Variants in HS6ST3 observed in about 807,000 individuals in gnomAD.
HS6ST3 encodes the protein heparan sulfate 6-O-sulfotransferase 3.
In HS6ST3, 12 loss-of-function variants were observed where a neutral mutation model predicts 36.7. The observed-to-expected ratio is 0.33, with a 90% CI of 0.21 to 0.53. The LOEUF (loss-of-function observed/expected upper bound fraction) is 0.53, where lower values mean the gene tolerates loss of function less well. HS6ST3 is among the 20% of genes least tolerant of loss of function. The pLI, the probability that HS6ST3 is intolerant of heterozygous loss-of-function variation, is 0.95. For synonymous variants in HS6ST3, 240 were observed against 257.5 expected, an observed-to-expected ratio of 0.93 and a Z score of 0.65; for missense variants, 584 against 640.9, an observed-to-expected ratio of 0.91 and a Z score of 0.96.
At chr13:96,521,722 T>A (rs2138927652) in intron 1 of HS6ST3, among the ~76,000 whole-genome samples, 1 of 152,290 alleles carries the variant, frequency 6.6e-6, no homozygotes, top group South Asian at 2.1e-4. Flanking sequence ...TTTTATTGCA[T>A]CTATTTGATT....
At chr13:96,564,638 A>G (rs1410979245) in intron 1 of HS6ST3, among the ~76,000 whole-genome samples, 1 of 152,210 alleles carries the variant, frequency 6.6e-6, no homozygotes, top group Admixed American at 6.5e-5. Context: ...ACCTGGGCAA[A>G]TCTAAACAAA....
intron 1 of HS6ST3, among the ~76,000 whole-genome samples, chr13:96,598,096 T>G (rs998773092): frequency 6.6e-6 from 1 of 152,124 alleles, no homozygotes; most frequent in Non-Finnish European, 1.5e-5. Context: ...AATTTGGAGT[T>G]AGATAATGTG....
chr13:96,450,885 C>T (rs1272320309), intron 1 of HS6ST3, among the ~76,000 whole-genome samples: 1 of 152,104 alleles, frequency 6.6e-6, no homozygotes, highest in East Asian at 1.9e-4. Context: ...TGGTGTTAGA[C>T]AAACACTTGG....
At chr13:96,738,123 C>T (rs1020800075) in intron 1 of HS6ST3, among the ~76,000 whole-genome samples, 133 of 152,278 alleles carry the variant, frequency 8.7e-4, no homozygotes, top group African/African-American at 3.0e-3. Flanking sequence ...GCCTCCTACA[C>T]TATATTACCA....
intron 1 of HS6ST3, among the ~76,000 whole-genome samples, chr13:96,147,707 A>G (rs2139321229): frequency 6.6e-6 from 1 of 152,276 alleles, no homozygotes; most frequent in South Asian, 2.1e-4. Context: ...GCTGGTTCCC[A>G]CCTTGCACCC....
At chr13:96,649,912 C>T (rs78038980) in intron 1 of HS6ST3, among the ~76,000 whole-genome samples, 1 of 152,086 alleles carries the variant, frequency 6.6e-6, no homozygotes, top group African/African-American at 2.4e-5. Flanking sequence ...GTCATACTCC[C>T]TCTTACTTAC....
chr13:96,515,628 G>A (rs892132824), intron 1 of HS6ST3, among the ~76,000 whole-genome samples: 3 of 152,062 alleles, frequency 2.0e-5, no homozygotes, highest in East Asian at 3.9e-4. Flanking sequence ...TAATCCCCAC[G>A]TGTCGAGAGA....
chr13:96,613,062 C>T (rs1211638190), intron 1 of HS6ST3, among the ~76,000 whole-genome samples: 1 of 152,130 alleles, frequency 6.6e-6, no homozygotes, highest in Non-Finnish European at 1.5e-5. Flanking sequence ...TCAGAGAGAC[C>T]ACCTTAAGTA....
chr13:96,608,016 A>G (rs1203885205), intron 1 of HS6ST3, among the ~76,000 whole-genome samples: 1 of 152,216 alleles, frequency 6.6e-6, no homozygotes, highest in Non-Finnish European at 1.5e-5. Context: ...TGTTAGATCC[A>G]TGTTAAAAGT....
chr13:96,174,216 G>C (rs2139336157), intron 1 of HS6ST3, among the ~76,000 whole-genome samples: 1 of 152,136 alleles, frequency 6.6e-6, no homozygotes, highest in South Asian at 2.1e-4. Context: ...CCCGATGCCA[G>C]CTCCACTCCT....
At chr13:96,801,735 A>G (rs1050422767) in intron 1 of HS6ST3, among the ~76,000 whole-genome samples, 3 of 152,090 alleles carry the variant, frequency 2.0e-5, no homozygotes, top group African/African-American at 7.2e-5. Context: ...GGTGCTCTAC[A>G]TAAACGTGCA....
chr13:96,091,199 G>C lies in HS6ST3; in HGVS notation c.337G>C (p.Glu113Gln). Reference protein sequence around the residue: ...EEEEEDEPDPEAPENGSLPRF... With the variant: ...EEEEEDEPDPQAPENGSLPRF... ...GGAGGAGGAAGACGAGCCGGACCCC[G>C]AGGCCCCGGAAAACGGCTCCCTGCC... Residue 113 changes from glutamate to glutamine, a missense_variant, in exon 1 of 2, where the codon GAG (glutamate) becomes CAG (glutamine). Physicochemically the swap from Glu to Gln is conservative, Grantham distance 29. This residue lies in a region of HS6ST3 where 217 missense variants were observed against 205.4 expected (regional missense o/e 1.06). Coordinates refer to ENST00000376705, the MANE Select transcript of HS6ST3 (RefSeq NM_153456.4). 1.3e-6 allele frequency: 2 copies of C among 1,558,638 alleles called. No individual in the cohort carries two copies. The highest frequency in any genetic ancestry group is 1.7e-6 in the Non-Finnish European group (2 of 1,151,066).
intron 1 of HS6ST3, among the ~76,000 whole-genome samples, chr13:96,466,864 A>G (rs1311293099): frequency 2.0e-5 from 3 of 152,246 alleles, no homozygotes; most frequent in African/African-American, 2.4e-5. Context: ...AGACAAGTGT[A>G]TATGTGTGCC....
At chr13:96,476,152 A>G (rs146454425) in intron 1 of HS6ST3, among the ~76,000 whole-genome samples, 1,766 of 152,284 alleles carry the variant, frequency 0.012, 26 homozygotes, top group Non-Finnish European at 0.012. Flanking sequence ...TTTAAGGAAT[A>G]ATCTGAAATG....
intron 1 of HS6ST3, among the ~76,000 whole-genome samples, chr13:96,371,201 A>G (rs1470242386): frequency 6.6e-6 from 1 of 152,192 alleles, no homozygotes; most frequent in East Asian, 1.9e-4. Context: ...AACACATGAC[A>G]TTATCAACCT....
chr13:96,364,464 A>C (rs2055253769), intron 1 of HS6ST3, among the ~76,000 whole-genome samples: 1 of 152,194 alleles, frequency 6.6e-6, no homozygotes, highest in South Asian at 2.1e-4. Context: ...TGCAACAGGG[A>C]TGCACCTTGA....
chr13:96,787,970 T>C (rs1877692523), intron 1 of HS6ST3, among the ~76,000 whole-genome samples: 1 of 151,984 alleles, frequency 6.6e-6, no homozygotes, highest in Non-Finnish European at 1.5e-5. Flanking sequence ...TTTTGACCCA[T>C]GAATGTCCAA....
intron 1 of HS6ST3, among the ~76,000 whole-genome samples, chr13:96,597,537 TA>T (rs1437449980): frequency 1.1e-4 from 16 of 151,812 alleles, no homozygotes; most frequent in Non-Finnish European, 1.9e-4. Flanking sequence ...TGAGATTATT[TA>T]TTTTTTTTTC....
chr13:96,345,943 G>A (rs1678410507), intron 1 of HS6ST3, among the ~76,000 whole-genome samples: 2 of 152,184 alleles, frequency 1.3e-5, no homozygotes, highest in South Asian at 4.1e-4. Context: ...GTGGCCCATG[G>A]GCCACAGGTT....
Sources: gnomAD v4.1 joint callset for allele counts (sites outside exome capture counted in the v4.1 genomes callset) on GRCh38, gnomAD v4.1.1 for gene constraint, gnomAD v4.1.1 regional missense constraint, MANE v1.5 for transcripts, NCBI Gene and HGNC (gene_info 2026-07-23, HGNC 2026-07-21) for gene names.